The following STX17 variants were observed in gnomAD, a reference collection of about 807,000 sequenced individuals.
STX17 encodes the protein syntaxin 17.
A neutral mutation model predicts 35.9 loss-of-function variants in STX17; 29 were observed. The observed-to-expected ratio is 0.81, with a 90% CI of 0.60 to 1.10. The LOEUF is 1.10. Among genes scored for constraint, STX17 ranks in the 50% least tolerant of loss-of-function variants. STX17 has a pLI of 0.00. For synonymous variants in STX17, 92 were observed against 118.3 expected (o/e 0.78, Z 1.44); for missense variants, 312 against 352.3 (o/e 0.89, Z 0.92).
At chr9:99,935,446 T>C (rs1829213856) in intron 3 of STX17, among the ~76,000 whole-genome samples, 1 of 152,162 alleles carries the variant, frequency 6.6e-6, no homozygotes, top group Non-Finnish European at 1.5e-5. Flanking sequence ...TCAGTGATTA[T>C]AGACCCCTTG....
chr9:99,966,861 C>T (rs754688606), intron 6 of STX17, among the ~76,000 whole-genome samples: 1 of 152,134 alleles, frequency 6.6e-6, no homozygotes, highest in Non-Finnish European at 1.5e-5. Flanking sequence ...GTTCAGTAAC[C>T]ACTTGTCAGG....
At position 99,971,684 on chromosome 9, in the gene STX17, A is replaced by G. The variant is rs1830017348; in HGVS notation, c.*3011A>G. Among the ~76,000 whole-genome samples, 1 of 152,210 alleles carries G rather than the reference A, an allele frequency of 6.6e-6. No homozygotes were observed. Among genetic ancestry groups the G allele is most frequent in the Non-Finnish European group, 1.5e-5 (1 of 68,042 alleles). On this transcript the variant is annotated 3_prime_UTR_variant, in exon 8 of 8. Transcript: ENST00000259400. Reference sequence around the variant, plus strand: ...GAATGTTAACTAGGTCTGTTGAGCTACAAAAACTTTTATGTCTCTCAGACT... The same window carrying G: ...GAATGTTAACTAGGTCTGTTGAGCTGCAAAAACTTTTATGTCTCTCAGACT...
At chr9:99,950,827 C>T (rs930321866) in intron 3 of STX17, among the ~76,000 whole-genome samples, 1 of 151,730 alleles carries the variant, frequency 6.6e-6, no homozygotes, top group Non-Finnish European at 1.5e-5. Context: ...TTTTGTATAA[C>T]CACATTTAAT....
chr9:99,915,991 C>T, intron 2 of STX17: 1 of 454,010 alleles, frequency 2.2e-6, no homozygotes, highest in Non-Finnish European at 4.4e-6. Flanking sequence ...TTCATTCACC[C>T]CATGGCAAGT....
chr9:99,920,342 C>T (rs1828863751), intron 2 of STX17, among the ~76,000 whole-genome samples: 1 of 152,092 alleles, frequency 6.6e-6, no homozygotes, highest in Admixed American at 6.6e-5. Context: ...GTGTGTCTTC[C>T]TGTTGTATCT....
chr9:99,966,980 G>A (rs1306478337), intron 6 of STX17, among the ~76,000 whole-genome samples: 1 of 152,174 alleles, frequency 6.6e-6, no homozygotes, highest in Admixed American at 6.5e-5. Flanking sequence ...GCCAGCACAG[G>A]TGTTGCCATT....
chr9:99,928,928 G>A lies in STX17; in HGVS notation c.189+85G>A, dbSNP rs888644555. On this transcript the variant is annotated intron_variant, in intron 3 of 7. Transcript: ENST00000259400. ...TTGCTAAAATATTACCTTTGCAGCT[G>A]AACCCTTTTATACACATTTGTTACT... The A allele has an allele frequency of 7.3e-5, 89 of 1,211,242 alleles. 2 individuals are homozygous for A. The highest frequency in any genetic ancestry group is 9.7e-5 in the Non-Finnish European group (81 of 836,334). The allele number at this position is 1,211,242 out of a possible 1,614,324, so 75.0% of individuals were successfully genotyped here. A position where few individuals can be genotyped will look rare whatever the true frequency, so the allele number is the denominator to read the frequency against.
chr9:99,951,799 T>C (rs1829604543), intron 4 of STX17, among the ~76,000 whole-genome samples: 2 of 152,052 alleles, frequency 1.3e-5, no homozygotes. Context: ...ATTACATCTC[T>C]TCTAAGGATG....
At chr9:99,940,169 C>T (rs1252710698) in intron 3 of STX17, among the ~76,000 whole-genome samples, 2 of 152,118 alleles carry the variant, frequency 1.3e-5, no homozygotes, top group Non-Finnish European at 2.9e-5. Context: ...TCGCTCTTGT[C>T]GCCCAGGCTG....
Position 99,911,323 on chromosome 9 carries a change from G to A in STX17, c.-62-3855G>A, listed in dbSNP as rs571890294. 3.3e-5 allele frequency among the ~76,000 whole-genome samples: 5 copies of A among 152,142 alleles called. No individual in the cohort carries two copies. In the East Asian group the frequency reaches 9.7e-4, roughly 29 times the overall value. On this transcript the variant is annotated intron_variant, in intron 1 of 7. Coordinates refer to ENST00000259400, the MANE Select transcript of STX17 (RefSeq NM_017919.3). ...GCTGGGATTATAGGCATGAGCCATC[G>A]CGCCTGACCCATTCTTTTTTTTAAT...
chr9:99,925,387 G>T (rs145268799), intron 2 of STX17, among the ~76,000 whole-genome samples: 95 of 152,098 alleles, frequency 6.2e-4, no homozygotes, highest in African/African-American at 2.1e-3. Flanking sequence ...CAAAGAGATT[G>T]TAAAAATAAG....
intron 2 of STX17, among the ~76,000 whole-genome samples, chr9:99,926,878 T>C (rs1828996424): frequency 6.6e-6 from 1 of 152,216 alleles, no homozygotes; most frequent in South Asian, 2.1e-4. Context: ...CAGAGAGCAA[T>C]ACTTTGGAGT....
chr9:99,973,268 C>G lies in STX17; in HGVS notation c.*4595C>G, dbSNP rs1830049205. ...AAGGCAAATAATTTGCTCTAGATCA[C>G]AAAACTAGTTAGCACAAGGCTAGGA... On this transcript the variant is annotated 3_prime_UTR_variant, in exon 8 of 8. Transcript: ENST00000259400. 6.6e-6 allele frequency among the ~76,000 whole-genome samples: 1 copy of G among 151,154 alleles called. No homozygotes were observed.
In STX17 at chr9:99,972,181, GAA is replaced by G. The variant is rs917995522; in HGVS notation, c.*3510_*3511del. Among the ~76,000 whole-genome samples the G allele has an allele frequency of 3.9e-5, 6 of 152,110 alleles. No individual in the cohort carries two copies. The highest frequency in any genetic ancestry group is 7.4e-5 in the Non-Finnish European group (5 of 68,014). ...TTTGGCCCTTAAACTATAAAATCAAGAAAGAGTATTTCAATCCCATCCACCTG... is the reference window on the plus strand; with the variant it reads ...TTTGGCCCTTAAACTATAAAATCAAGAGAGTATTTCAATCCCATCCACCTG... On this transcript the variant is annotated 3_prime_UTR_variant, in exon 8 of 8. Coordinates refer to ENST00000259400, the MANE Select transcript of STX17 (RefSeq NM_017919.3).
intron 3 of STX17, among the ~76,000 whole-genome samples, chr9:99,929,602 A>G (rs1829068435): frequency 6.7e-6 from 1 of 148,894 alleles, no homozygotes; most frequent in African/African-American, 2.5e-5. Flanking sequence ...TCAGGTTTAG[A>G]TTTTTTTTTT....
At chr9:99,915,919 A>G in intron 2 of STX17, 1 of 398,950 alleles carries the variant, frequency 2.5e-6, no homozygotes, top group Non-Finnish European at 4.9e-6. Context: ...TAAGATACAA[A>G]TTGATTGATG....
At chr9:99,908,951 A>C (rs892415160) in intron 1 of STX17, among the ~76,000 whole-genome samples, 2 of 152,234 alleles carry the variant, frequency 1.3e-5, no homozygotes, top group African/African-American at 2.4e-5. Flanking sequence ...GTCTAACACC[A>C]CAGGGTTCAT....
chr9:99,942,447 G>T (rs982129059), intron 3 of STX17, among the ~76,000 whole-genome samples: 1 of 151,984 alleles, frequency 6.6e-6, no homozygotes, highest in Non-Finnish European at 1.5e-5. Flanking sequence ...TAATTTAAAG[G>T]TTATCAATCT....
In STX17 at chr9:99,910,369, A is replaced by T. The variant is rs1184647045; in HGVS notation, c.-63+3663A>T. Among the ~76,000 whole-genome samples, 7 of 152,242 alleles carry T rather than the reference A, an allele frequency of 4.6e-5. No individual in the cohort carries two copies. In the East Asian group the frequency reaches 1.3e-3, roughly 29 times the overall value. ...CAATGACATGTCTAAGAATGATAAT[A>T]CTAAGTATATTGCTTGGAATATGGA... On this transcript the variant is annotated intron_variant, in intron 1 of 7. Coordinates refer to ENST00000259400, the MANE Select transcript of STX17 (RefSeq NM_017919.3).
Sources: gnomAD v4.1 joint callset for allele counts (sites outside exome capture counted in the v4.1 genomes callset) on GRCh38, gnomAD v4.1.1 for gene constraint, MANE v1.5 for transcripts, NCBI Gene and HGNC (gene_info 2026-07-23, HGNC 2026-07-21) for gene names.